The following NAV2 variants were observed in gnomAD, a reference collection of about 807,000 sequenced individuals.
NAV2 encodes the protein neuron navigator 2.
In NAV2, 54 loss-of-function variants were observed where a neutral mutation model predicts 223.2. The observed-to-expected ratio is 0.24, with a 90% CI of 0.19 to 0.30. The LOEUF is 0.30. NAV2 is among the 10% of genes least tolerant of loss of function. The probability of loss-of-function intolerance (pLI) is 1.00; values close to 1 mark genes in which losing one functional copy is unlikely to be tolerated. For synonymous variants in NAV2, 1,279 were observed against 1,239.3 expected (o/e 1.03, Z -0.67); for missense variants, 2,806 against 3,147.5 (o/e 0.89, Z 2.60).
intron 1 of NAV2, among the ~76,000 whole-genome samples, chr11:19,571,734 T>C (rs2045432082): frequency 6.6e-6 from 1 of 152,112 alleles, no homozygotes; most frequent in Non-Finnish European, 1.5e-5. Context: ...AAGAAAAGTT[T>C]AATTTTATGT....
At chr11:19,452,423 A>G (rs1275523181) in intron 1 of NAV2, among the ~76,000 whole-genome samples, 1 of 151,992 alleles carries the variant, frequency 6.6e-6, no homozygotes, top group Non-Finnish European at 1.5e-5. Context: ...TTCCAAAAAG[A>G]CCTCTAGGAC....
In NAV2 at chr11:19,669,929, G is replaced by T. The variant is rs142423264; in HGVS notation, c.76-162555G>T. On this transcript the variant is annotated intron_variant, in intron 1 of 37. Transcript: ENST00000360655. ...TCTAGATCTCAAGATTTTCTAAAAT[G>T]TGAATATAATCATATGCCCTGCATA... Among the ~76,000 whole-genome samples the T allele has an allele frequency of 3.9e-4, 59 of 152,324 alleles. No individual in the cohort carries two copies. The East Asian group carries it at 8.9e-3, about 23-fold the overall frequency.
chr11:19,719,684 G>T (rs1158609725), intron 1 of NAV2, among the ~76,000 whole-genome samples: 1 of 152,224 alleles, frequency 6.6e-6, no homozygotes, highest in Non-Finnish European at 1.5e-5. Context: ...CAAGTACGCA[G>T]CTGAGTACAT....
rs539726122 is a variant in NAV2 at position 20,119,322 on chromosome 11, C to T, written c.*1064C>T. ...TCCTCACAGTCCTACACACTCGCCT[C>T]CTCCTGCTAGGGCTGGGGGTATCTG... On this transcript the variant is annotated 3_prime_UTR_variant, in exon 38 of 38. Transcript: ENST00000349880. The T allele has an allele frequency of 3.3e-5, 5 of 152,250 alleles. No individual in the cohort carries two copies. In the South Asian group the frequency reaches 1.0e-3, roughly 32 times the overall value. 9.4% of individuals were successfully genotyped at this position (152,250 alleles called of 1,614,324 possible).
chr11:19,652,706 C>T (rs927732028), intron 1 of NAV2, among the ~76,000 whole-genome samples: 1 of 152,192 alleles, frequency 6.6e-6, no homozygotes, highest in Non-Finnish European at 1.5e-5. Flanking sequence ...CAGAGGCTGT[C>T]ACCAGTTTGG....
intron 8 of NAV2, among the ~76,000 whole-genome samples, chr11:19,945,502 G>GTT (rs2046867628): frequency 6.6e-6 from 1 of 152,090 alleles, no homozygotes; most frequent in Non-Finnish European, 1.5e-5. Context: ...AGCCTCCAGA[G>GTT]TAGCTGGCAC....
At position 19,731,021 on chromosome 11, in the gene NAV2, A is replaced by G. The variant is rs79880081; in HGVS notation, c.267+17059A>G. 4.2e-3 allele frequency among the ~76,000 whole-genome samples: 643 copies of G among 152,332 alleles called. 33 individuals are homozygous for G. The East Asian group carries it at 0.084, about 20-fold the overall frequency. On this transcript the variant is annotated intron_variant, in intron 1 of 37. Transcript: ENST00000349880. ...TGGGACACACTTAAACCAAAAAATT[A>G]TTTGCTGTTTATCTGAAATTCAGAT...
At chr11:19,453,917 G>A (rs142645868) in intron 1 of NAV2, among the ~76,000 whole-genome samples, 1 of 152,172 alleles carries the variant, frequency 6.6e-6, no homozygotes, top group Non-Finnish European at 1.5e-5. Context: ...TATGTTGGGG[G>A]AGGCCATTAC....
chr11:19,878,824 C>T (rs1419772479), intron 4 of NAV2, among the ~76,000 whole-genome samples: 4 of 152,198 alleles, frequency 2.6e-5, no homozygotes, highest in Non-Finnish European at 2.9e-5. Flanking sequence ...ACTCTTGTTC[C>T]TTCACTAGCA....
intron 1 of NAV2, among the ~76,000 whole-genome samples, chr11:19,395,378 C>T (rs1209242215): frequency 6.6e-6 from 1 of 152,200 alleles, no homozygotes; most frequent in African/African-American, 2.4e-5. Context: ...GTGCAGAGTG[C>T]TTGGGATGTA....
intron 1 of NAV2, chr11:19,778,493 C>A: frequency 9.2e-5 from 23 of 249,510 alleles, no homozygotes; most frequent in South Asian, 2.0e-4. Context: ...AAAGATGCTA[C>A]CAAAAACAAA....
chr11:19,933,690 G>T lies in NAV2; in HGVS notation c.1446G>T (p.Leu482=). ...SRALTNKKSS[L]KGNEKEKEKQ... The stretch of plus-strand genomic sequence containing the variant: ...CACTGACCAACAAGAAGAGTTCTCT[G>T]AAAGGCAATGAGAAAGAGAAGGAGA... The change falls in exon 7 of 38, where the codon CTG becomes CTT. Residue 482 remains leucine, a synonymous_variant. Coordinates refer to ENST00000349880, the MANE Select transcript of NAV2 (RefSeq NM_145117.5). This position sits in a 1 kb window ranked among gnomAD's most constrained non-coding sequence, Gnocchi z 4.3. 1 of 1,614,200 alleles carries T rather than the reference G, an allele frequency of 6.2e-7. No individual in the cohort carries two copies. Among genetic ancestry groups the T allele is most frequent in the Non-Finnish European group, 8.5e-7 (1 of 1,180,046 alleles).
At chr11:19,432,477 G>A (rs1279794395) in intron 1 of NAV2, among the ~76,000 whole-genome samples, 1 of 152,202 alleles carries the variant, frequency 6.6e-6, no homozygotes, top group African/African-American at 2.4e-5. Context: ...TTGAATTTAA[G>A]TCATAGAGAG....
chr11:19,758,115 A>T (rs533528716), intron 1 of NAV2, among the ~76,000 whole-genome samples: 139 of 152,290 alleles, frequency 9.1e-4, no homozygotes, highest in Non-Finnish European at 1.7e-3. Context: ...ATAGATGAGG[A>T]ATGTTGAGAA....
intron 12 of NAV2, among the ~76,000 whole-genome samples, chr11:20,040,641 C>T (rs1224829659): frequency 6.6e-6 from 1 of 152,182 alleles, no homozygotes; most frequent in African/African-American, 2.4e-5. Flanking sequence ...TTGTGCGTGG[C>T]TTCTTTCCTC....
In NAV2 at chr11:19,950,456, G is replaced by A. The variant is rs553988542; in HGVS notation, c.2645+1376G>A. Among the ~76,000 whole-genome samples the A allele has an allele frequency of 9.2e-5, 14 of 152,354 alleles. No individual in the cohort carries two copies. In the South Asian group the frequency reaches 2.7e-3, roughly 29 times the overall value. On this transcript the variant is annotated intron_variant, in intron 10 of 37. Coordinates refer to ENST00000349880, the MANE Select transcript of NAV2 (RefSeq NM_145117.5). ...CAGCTATTAGGGACAGAGCGTAATA[G>A]TGTACCATCTTGCCAACGTTTTATT...
chr11:19,464,848 C>T (rs1003843831), intron 1 of NAV2, among the ~76,000 whole-genome samples: 3 of 152,210 alleles, frequency 2.0e-5, no homozygotes, highest in African/African-American at 7.2e-5. Context: ...GTGTTAGACT[C>T]AGAATGCACT....
chr11:19,923,085 T>G (rs2044419682), intron 6 of NAV2, among the ~76,000 whole-genome samples: 1 of 152,212 alleles, frequency 6.6e-6, no homozygotes, highest in South Asian at 2.1e-4. Flanking sequence ...GAATCCCACA[T>G]TTTACTAGAT....
intron 2 of NAV2, among the ~76,000 whole-genome samples, chr11:19,836,400 A>G (rs1485848405): frequency 6.6e-6 from 1 of 151,772 alleles, no homozygotes; most frequent in Admixed American, 6.6e-5. Flanking sequence ...TACTAAAAAT[A>G]CAAAAAATTA....
Sources: gnomAD v4.1 joint callset for allele counts (sites outside exome capture counted in the v4.1 genomes callset) on GRCh38, gnomAD v4.1.1 for gene constraint, Gnocchi (gnomAD v3.1) non-coding constraint, MANE v1.5 for transcripts, NCBI Gene and HGNC (gene_info 2026-07-23, HGNC 2026-07-21) for gene names.